Variants in ARHGAP5 observed in about 807,000 individuals in gnomAD.
The protein encoded by ARHGAP5 is Rho GTPase activating protein 5.
ARHGAP5 carries 23 observed loss-of-function variants against 116.6 expected under a neutral mutation model. The ratio of observed to expected loss-of-function variants is 0.20; its 90% CI spans 0.14 to 0.28. The LOEUF is 0.28. Among genes scored for constraint, ARHGAP5 ranks in the 10% least tolerant of loss-of-function variants. The pLI, the probability that ARHGAP5 is intolerant of heterozygous loss-of-function variation, is 1.00. For missense variants in ARHGAP5, 1,405 were observed against 1,774.8 expected (o/e 0.79, Z 3.74); for synonymous variants, 574 against 602.0 (o/e 0.95, Z 0.68).
chr14:32,097,509 A>C (rs1046516704), intron 2 of ARHGAP5, among the ~76,000 whole-genome samples: 1 of 152,192 alleles, frequency 6.6e-6, no homozygotes, highest in Non-Finnish European at 1.5e-5. Flanking sequence ...CAAAATTTAT[A>C]ATAAACATCA....
chr14:32,112,652 T>G (rs1396770851), intron 2 of ARHGAP5, among the ~76,000 whole-genome samples: 1 of 152,112 alleles, frequency 6.6e-6, no homozygotes, highest in African/African-American at 2.4e-5. Context: ...GCGGGCAGAT[T>G]ACGAGGTCAG....
At chr14:32,133,152 A>G (rs1283047860) in intron 3 of ARHGAP5, among the ~76,000 whole-genome samples, 5 of 152,170 alleles carry the variant, frequency 3.3e-5, no homozygotes, top group African/African-American at 1.2e-4. Flanking sequence ...TGGGGGTGGC[A>G]TTGAATCTAT....
At chr14:32,095,421 T>G (rs990638676) in intron 2 of ARHGAP5, among the ~76,000 whole-genome samples, 6 of 149,948 alleles carry the variant, frequency 4.0e-5, no homozygotes, top group Admixed American at 1.3e-4. Flanking sequence ...TTTTTGTTTT[T>G]TTTTTTTTGA....
In ARHGAP5 at chr14:32,159,609, A is replaced by T. The variant is rs1466324305; in HGVS notation, c.*4661A>T. 1 of 152,106 alleles carries T rather than the reference A, an allele frequency of 6.6e-6. No individual in the cohort carries two copies. Among genetic ancestry groups the T allele is most frequent in the South Asian group, 2.1e-4 (1 of 4,834 alleles). 9.4% of individuals were successfully genotyped at this position (152,106 alleles called of 1,614,324 possible). ...TTGTCCTAACCATTTAATATTTTCT[A>T]GGTACTTGCTGCAAGTTCTTGAACT... On this transcript the variant is annotated 3_prime_UTR_variant, in exon 7 of 7. Transcript: ENST00000345122.
At chr14:32,079,293 T>C (rs1407483300) in intron 1 of ARHGAP5, among the ~76,000 whole-genome samples, 1 of 152,222 alleles carries the variant, frequency 6.6e-6, no homozygotes, top group Non-Finnish European at 1.5e-5. Context: ...ACATTAATTA[T>C]TAAGAGTACT....
intron 6 of ARHGAP5, among the ~76,000 whole-genome samples, chr14:32,153,268 G>A (rs1330877968): frequency 3.3e-5 from 5 of 149,622 alleles, no homozygotes; most frequent in African/African-American, 4.9e-5. Flanking sequence ...TTAACTGGGC[G>A]TGGTGTGAGC....
At chr14:32,127,880 C>T (rs1415292439) in intron 3 of ARHGAP5, among the ~76,000 whole-genome samples, 1 of 151,586 alleles carries the variant, frequency 6.6e-6, no homozygotes, top group African/African-American at 2.4e-5. Context: ...GGGCTCCTCA[C>T]TTCTCAGACG....
chr14:32,131,765 T>C lies in ARHGAP5; in HGVS notation c.3865+14478T>C, dbSNP rs193071960. 2.5e-3 allele frequency among the ~76,000 whole-genome samples: 384 copies of C among 152,238 alleles called. 1 individual carries two copies. Among genetic ancestry groups the C allele is most frequent in the Middle Eastern group, 0.014 (4 of 294 alleles). On this transcript the variant is annotated intron_variant, in intron 3 of 6. Transcript: ENST00000345122. Reference sequence around the variant, plus strand: ...CAACCCCACAACAGTCCCCGGTGTGTGATGTTCCCCTTCCTGTGTCCACGT... The same window carrying C: ...CAACCCCACAACAGTCCCCGGTGTGCGATGTTCCCCTTCCTGTGTCCACGT...
chr14:32,146,877 C>T (rs1036217075), intron 4 of ARHGAP5, among the ~76,000 whole-genome samples: 3 of 152,102 alleles, frequency 2.0e-5, no homozygotes, highest in Admixed American at 6.5e-5. Context: ...ATCTCTTACA[C>T]TAAGACTGAA....
intron 3 of ARHGAP5, among the ~76,000 whole-genome samples, chr14:32,128,477 C>T (rs902663304): frequency 5.3e-5 from 8 of 152,380 alleles, no homozygotes; most frequent in East Asian, 1.9e-4. Flanking sequence ...CCCTTCACCT[C>T]GCTGGGCTCT....
chr14:32,101,452 G>T (rs1211538231), intron 2 of ARHGAP5, among the ~76,000 whole-genome samples: 3 of 152,038 alleles, frequency 2.0e-5, no homozygotes, highest in South Asian at 2.1e-4. Flanking sequence ...TCTGTAAATT[G>T]TTCATTCCAG....
At chr14:32,085,718 T>C (rs1398984789) in intron 1 of ARHGAP5, among the ~76,000 whole-genome samples, 1 of 152,226 alleles carries the variant, frequency 6.6e-6, no homozygotes, top group South Asian at 2.1e-4. Context: ...CAAAGTTCCC[T>C]CTGTGTGATT....
chr14:32,141,176 T>C (rs1464380249), intron 3 of ARHGAP5, among the ~76,000 whole-genome samples: 1 of 152,212 alleles, frequency 6.6e-6, no homozygotes, highest in Non-Finnish European at 1.5e-5. Context: ...TTCTATCCTT[T>C]TACGTTCAAC....
intron 3 of ARHGAP5, among the ~76,000 whole-genome samples, chr14:32,125,453 A>G (rs953049740): frequency 6.6e-6 from 1 of 152,192 alleles, no homozygotes; most frequent in Non-Finnish European, 1.5e-5. Context: ...TCATGTGTAC[A>G]ACTATTCGTT....
chr14:32,128,596 C>T (rs950646603), intron 3 of ARHGAP5, among the ~76,000 whole-genome samples: 3 of 152,336 alleles, frequency 2.0e-5, no homozygotes, highest in Middle Eastern at 3.4e-3. Context: ...GCTCCATGGA[C>T]GCTGCCTCCC....
chr14:32,099,157 T>C (rs1878676148), intron 2 of ARHGAP5, among the ~76,000 whole-genome samples: 1 of 152,130 alleles, frequency 6.6e-6, no homozygotes, highest in Admixed American at 6.6e-5. Flanking sequence ...ATCTCCTATG[T>C]TTCTAGCTTG....
intron 3 of ARHGAP5, among the ~76,000 whole-genome samples, chr14:32,133,510 A>G (rs563535830): frequency 1.2e-4 from 18 of 152,280 alleles, no homozygotes; most frequent in Middle Eastern, 3.4e-3. Context: ...CTAGATATAC[A>G]ATCATGTCAT....
chr14:32,086,275 G>A (rs569160951), intron 1 of ARHGAP5, among the ~76,000 whole-genome samples: 1 of 151,884 alleles, frequency 6.6e-6, no homozygotes, highest in African/African-American at 2.4e-5. Flanking sequence ...AGGTGAGAGA[G>A]GGTTGGAGAA....
At chr14:32,077,737 G>A (rs1425016164) in intron 1 of ARHGAP5, among the ~76,000 whole-genome samples, 4 of 152,028 alleles carry the variant, frequency 2.6e-5, no homozygotes, top group Non-Finnish European at 5.9e-5. Flanking sequence ...GGGGATCGCC[G>A]GCCCCGCCAG....
Sources: gnomAD v4.1 joint callset for allele counts (sites outside exome capture counted in the v4.1 genomes callset) on GRCh38, gnomAD v4.1.1 for gene constraint, MANE v1.5 for transcripts, NCBI Gene and HGNC (gene_info 2026-07-23, HGNC 2026-07-21) for gene names.